Variants in GPC5 observed in about 807,000 individuals in gnomAD.
GPC5 encodes glypican 5.
In GPC5, 47 loss-of-function variants were observed where a neutral mutation model predicts 53.9. That is an observed-to-expected ratio of 0.87 (90% CI 0.69 to 1.11). The LOEUF is 1.11. GPC5 is among the 50% of genes most tolerant of loss of function. The pLI, the probability that GPC5 is intolerant of heterozygous loss-of-function variation, is 0.00. For synonymous variants in GPC5, 286 were observed against 263.3 expected (o/e 1.09, Z -0.84); for missense variants, 748 against 713.1 (o/e 1.05, Z -0.56).
intron 7 of GPC5, among the ~76,000 whole-genome samples, chr13:92,642,814 A>G (rs1885637158): frequency 6.6e-6 from 1 of 152,198 alleles, no homozygotes. Context: ...ATAAACGAAA[A>G]GAGAAGTAGA....
At chr13:92,863,971 T>C (rs1476688297) in intron 7 of GPC5, among the ~76,000 whole-genome samples, 2 of 152,216 alleles carry the variant, frequency 1.3e-5, no homozygotes, top group Non-Finnish European at 1.5e-5. Flanking sequence ...AAAATTACTT[T>C]GTTTTTCTTT....
At chr13:91,521,103 G>T (rs1253402484) in intron 2 of GPC5, among the ~76,000 whole-genome samples, 2 of 152,078 alleles carry the variant, frequency 1.3e-5, no homozygotes, top group Non-Finnish European at 2.9e-5. Context: ...TTGTTATGTG[G>T]AACAGGGCCA....
intron 7 of GPC5, among the ~76,000 whole-genome samples, chr13:92,253,657 T>C (rs193137184): frequency 6.6e-6 from 1 of 152,180 alleles, no homozygotes; most frequent in South Asian, 2.1e-4. Flanking sequence ...AATGAAAGTA[T>C]GTACATGAAG....
Position 91,700,412 on chromosome 13 carries a change from C to T in GPC5, c.1020+6531C>T, listed in dbSNP as rs191825023. 4.4e-3 allele frequency among the ~76,000 whole-genome samples: 666 copies of T among 152,290 alleles called. 6 individuals carry two copies. The highest frequency in any genetic ancestry group is 0.018 in the South Asian group (86 of 4,828). On this transcript the variant is annotated intron_variant, in intron 3 of 7. Transcript: ENST00000377067. ...AAAGACTGATAATCACAGTTATTTA[C>T]TTTTACATAATTTCCTGAGAGAGGT...
chr13:92,681,215 A>G (rs1887100947), intron 7 of GPC5, among the ~76,000 whole-genome samples: 1 of 152,070 alleles, frequency 6.6e-6, no homozygotes. Flanking sequence ...AAATTCCAAA[A>G]TTAATTGTAT....
At chr13:91,637,848 C>A (rs2034322068) in intron 2 of GPC5, among the ~76,000 whole-genome samples, 1 of 152,210 alleles carries the variant, frequency 6.6e-6, no homozygotes. Context: ...GAGCACAGCA[C>A]TGGACTGAGA....
At chr13:92,333,379 C>A (rs928058783) in intron 7 of GPC5, among the ~76,000 whole-genome samples, 1 of 152,058 alleles carries the variant, frequency 6.6e-6, no homozygotes, top group African/African-American at 2.4e-5. Context: ...TTTATCAGAA[C>A]CTAGGGGAAG....
chr13:91,441,421 T>C (rs1206174694), intron 1 of GPC5, among the ~76,000 whole-genome samples: 1 of 152,194 alleles, frequency 6.6e-6, no homozygotes, highest in Non-Finnish European at 1.5e-5. Flanking sequence ...ACTGTTGCTG[T>C]TGTATTGGCT....
intron 6 of GPC5, among the ~76,000 whole-genome samples, chr13:92,034,875 T>G (rs1430297366): frequency 6.6e-6 from 1 of 152,200 alleles, no homozygotes; most frequent in Non-Finnish European, 1.5e-5. Context: ...GACATGTACG[T>G]ATCATAGACT....
chr13:91,487,529 G>C (rs574409969), intron 2 of GPC5, among the ~76,000 whole-genome samples: 1 of 152,172 alleles, frequency 6.6e-6, no homozygotes, highest in East Asian at 1.9e-4. Flanking sequence ...GGAATACTAG[G>C]GTAGGGCCCC....
chr13:91,457,385 CGTT>C (rs1284423970), intron 2 of GPC5, among the ~76,000 whole-genome samples: 5 of 151,882 alleles, frequency 3.3e-5, no homozygotes, highest in Non-Finnish European at 5.9e-5. Flanking sequence ...ATATCTAAGA[CGTT>C]ATTTTAAAAC....
intron 7 of GPC5, among the ~76,000 whole-genome samples, chr13:92,531,177 C>A (rs1008603879): frequency 1.3e-5 from 2 of 152,046 alleles, no homozygotes; most frequent in Non-Finnish European, 2.9e-5. Context: ...TCTACTCTGA[C>A]AGTTGATAAG....
intron 2 of GPC5, among the ~76,000 whole-genome samples, chr13:91,596,721 A>G (rs1303053822): frequency 6.6e-6 from 1 of 152,144 alleles, no homozygotes; most frequent in African/African-American, 2.4e-5. Flanking sequence ...CCTTACCACA[A>G]GGCAAGACCC....
chr13:92,016,970 T>A (rs1213816060), intron 6 of GPC5, among the ~76,000 whole-genome samples: 1 of 152,086 alleles, frequency 6.6e-6, no homozygotes, highest in African/African-American at 2.4e-5. Flanking sequence ...ATGGTGAAAG[T>A]ACTGTCTCCA....
Position 91,712,291 on chromosome 13 carries a change from C to A in GPC5, c.1021-16241C>A, listed in dbSNP as rs533269916. 3.4e-4 allele frequency among the ~76,000 whole-genome samples: 50 copies of A among 148,900 alleles called. 1 individual carries two copies. The highest frequency in any genetic ancestry group is 1.2e-3 in the African/African-American group (48 of 40,370). On this transcript the variant is annotated intron_variant, in intron 3 of 7. Transcript: ENST00000377067. ...CATACATCAAAAGCAAAGTTGTTTCCAGTTTAATGTGTGTGTGTGTGTATA... is the reference window on the plus strand; with the variant it reads ...CATACATCAAAAGCAAAGTTGTTTCAAGTTTAATGTGTGTGTGTGTGTATA...
intron 7 of GPC5, among the ~76,000 whole-genome samples, chr13:92,794,309 A>G (rs1876576280): frequency 6.6e-6 from 1 of 152,196 alleles, no homozygotes; most frequent in Non-Finnish European, 1.5e-5. Context: ...TAGATGGAGA[A>G]AAGGCCTTTG....
chr13:92,710,466 AC>A (rs1440167229), intron 7 of GPC5, among the ~76,000 whole-genome samples: 1 of 152,254 alleles, frequency 6.6e-6, no homozygotes, highest in Non-Finnish European at 1.5e-5. Flanking sequence ...ATAATTGTGT[AC>A]AGTTTTAAAT....
intron 7 of GPC5, among the ~76,000 whole-genome samples, chr13:92,712,994 T>G (rs1888192560): frequency 6.6e-6 from 1 of 152,032 alleles, no homozygotes; most frequent in Admixed American, 6.6e-5. Context: ...CTGTGAGAAT[T>G]TTTTTTAAAT....
chr13:92,059,956 C>A (rs1312120636), intron 6 of GPC5: 1 of 150,272 alleles, frequency 6.7e-6, no homozygotes, highest in Non-Finnish European at 1.5e-5. Flanking sequence ...TACGTTGGTG[C>A]AATTATTTTA....
Sources: allele counts gnomAD v4.1 joint callset (sites outside exome capture counted in the v4.1 genomes callset), GRCh38; gene constraint gnomAD v4.1.1; transcripts MANE v1.5; gene names NCBI Gene and HGNC (gene_info 2026-07-23, HGNC 2026-07-21).